Variants in TRPA1 observed in about 807,000 individuals in gnomAD.
TRPA1 encodes transient receptor potential cation channel subfamily A member 1.
A neutral mutation model predicts 131.3 loss-of-function variants in TRPA1; 129 were observed. The ratio of observed to expected loss-of-function variants is 0.98; its 90% CI spans 0.85 to 1.14. The LOEUF is 1.14. Ranked by LOEUF, TRPA1 falls within the 50% of genes most tolerant of loss-of-function variation. The pLI is 0.00. For synonymous variants in TRPA1, 441 were observed against 451.7 expected (o/e 0.98, Z 0.30); for missense variants, 1,304 against 1,354.2 (o/e 0.96, Z 0.58).
chr8:72,083,305 T>C, the TRPA1 span, among the ~76,000 whole-genome samples: 1 of 152,218 alleles, frequency 6.6e-6, no homozygotes, highest in African/African-American at 2.4e-5. Context: ...AGAATTAGTT[T>C]CTGTTTGTTC....
At chr8:72,028,449 C>T (rs762064480) in intron 24 of TRPA1, among the ~76,000 whole-genome samples, 42 of 152,304 alleles carry the variant, frequency 2.8e-4, no homozygotes, top group Non-Finnish European at 5.1e-4. Context: ...CCTCCTTTCA[C>T]GACGGTATCG....
intron 2 of TRPA1, among the ~76,000 whole-genome samples, chr8:72,071,503 G>T (rs573941792): frequency 6.6e-6 from 1 of 152,276 alleles, no homozygotes; most frequent in South Asian, 2.1e-4. Flanking sequence ...GTTGTGGGGT[G>T]TCCTAGATCT....
intron 8 of TRPA1, among the ~76,000 whole-genome samples, chr8:72,059,179 C>T (rs916913235): frequency 6.6e-6 from 1 of 152,216 alleles, no homozygotes; most frequent in Non-Finnish European, 1.5e-5. Flanking sequence ...CCAAATTACG[C>T]TTTGACACTT....
intron 14 of TRPA1, 28 bp from the exon 15 acceptor site, chr8:72,050,899 C>T (rs989906171): frequency 2.1e-6 from 3 of 1,453,888 alleles, no homozygotes; most frequent in Non-Finnish European, 1.9e-6. Flanking sequence ...GTAAGATAAG[C>T]ACAGGTCTTC....
At chr8:72,040,373 C>T (rs189889796) in intron 17 of TRPA1, among the ~76,000 whole-genome samples, 1 of 152,080 alleles carries the variant, frequency 6.6e-6, no homozygotes, top group Non-Finnish European at 1.5e-5. Context: ...AAACAATACA[C>T]AGAACATTTT....
chr8:72,023,320 C>T, intron 26 of TRPA1: 2 of 634,484 alleles, frequency 3.2e-6, no homozygotes, highest in South Asian at 3.8e-5. Flanking sequence ...TAGTTCATGG[C>T]TAGTTTATTT....
chr8:72,061,446 C>T (rs962214039), intron 7 of TRPA1, among the ~76,000 whole-genome samples, 179 bp downstream of exon 7: 4 of 152,178 alleles, frequency 2.6e-5, no homozygotes, highest in African/African-American at 7.2e-5. Flanking sequence ...TAACATTCTA[C>T]TCCCATTCCC....
intron 1 of TRPA1, among the ~76,000 whole-genome samples, chr8:72,074,034 A>C (rs956628657): frequency 6.6e-6 from 1 of 152,240 alleles, no homozygotes; most frequent in African/African-American, 2.4e-5. Flanking sequence ...ACCTGCTTAG[A>C]GAGCAATTTG....
At chr8:72,078,812 T>C (rs1806236176), upstream of TRPA1, among the ~76,000 whole-genome samples, 1 of 152,090 alleles carries the variant, frequency 6.6e-6, no homozygotes, top group Non-Finnish European at 1.5e-5. Flanking sequence ...AGTATGTGTT[T>C]AGCTTTGTAT....
At chr8:72,037,826 A>T (rs560813587) in intron 20 of TRPA1, among the ~76,000 whole-genome samples, 157 bp downstream of exon 20, 6 of 152,190 alleles carry the variant, frequency 3.9e-5, no homozygotes, top group Admixed American at 6.5e-5. Flanking sequence ...TGATTTCTAC[A>T]TTTTGAAACA....
At chr8:72,089,068 C>A in the TRPA1 span, among the ~76,000 whole-genome samples, 1 of 152,110 alleles carries the variant, frequency 6.6e-6, no homozygotes, top group Non-Finnish European at 1.5e-5. Flanking sequence ...AAGATGTATA[C>A]ATGTATCTTA....
intron 2 of TRPA1, 29 bp downstream of exon 2, chr8:72,071,682 C>A (rs199723909): frequency 6.2e-7 from 1 of 1,610,228 alleles, no homozygotes; most frequent in Non-Finnish European, 8.5e-7. Flanking sequence ...TGAATGATTT[C>A]TGGAAGATGA....
chr8:72,026,100 A>G (rs539023163), intron 24 of TRPA1, 27 bp from the exon 25 acceptor site: 3 of 1,556,534 alleles, frequency 1.9e-6, no homozygotes, highest in African/African-American at 2.7e-5. Flanking sequence ...ATTTATTGAT[A>G]GAATCATTAG....
At chr8:72,086,581 T>A in the TRPA1 span, among the ~76,000 whole-genome samples, 1 of 152,212 alleles carries the variant, frequency 6.6e-6, no homozygotes, top group Non-Finnish European at 1.5e-5. Flanking sequence ...ATTTTGACGT[T>A]ACTTCTTAAT....
At chr8:72,063,092 T>C in intron 5 of TRPA1, 148 bp from the exon 6 acceptor site, 1 of 866,080 alleles carries the variant, frequency 1.2e-6, no homozygotes, top group Non-Finnish European at 1.7e-6. Context: ...TAAATATTTT[T>C]CAAATTAGGC....
chr8:72,059,269 C>A, intron 8 of TRPA1, 121 bp downstream of exon 8: 2 of 685,274 alleles, frequency 2.9e-6, no homozygotes, highest in Non-Finnish European at 5.0e-6. Flanking sequence ...ATTTTGTATA[C>A]TTTTTGCTGA....
At position 72,046,565 on chromosome 8, in the gene TRPA1, G is replaced by A; in HGVS notation, c.2009C>T (p.Thr670Ile). ...AACATCCTGTGTAGGTGTTTTTTTGGTGAATTCTAATGGACATTGAAGATA... is the reference window on the plus strand; with the variant it reads ...AACATCCTGTGTAGGTGTTTTTTTGATGAATTCTAATGGACATTGAAGATA... ...FKYLQCPLEF[T>I]KKTPTQDVIY... is the part of the protein sequence containing the mutation. The change falls in exon 17 of 27, where the codon ACC (threonine) becomes ATC (isoleucine). Residue 670 changes from threonine to isoleucine, a missense_variant. Transcript: ENST00000262209. 6.3e-7 allele frequency: 1 copy of A among 1,599,430 alleles called. No homozygotes were observed. The highest frequency in any genetic ancestry group is 8.5e-7 in the Non-Finnish European group (1 of 1,170,104).
intron 6 of TRPA1, 65 bp downstream of exon 6, chr8:72,062,734 T>C: frequency 1.3e-6 from 2 of 1,490,202 alleles, no homozygotes; most frequent in Non-Finnish European, 1.9e-6. Flanking sequence ...AAAAGAGCTA[T>C]AAAGCATTTT....
intron 21 of TRPA1, among the ~76,000 whole-genome samples, chr8:72,034,850 T>C (rs1455064636): frequency 2.0e-5 from 3 of 152,218 alleles, no homozygotes; most frequent in East Asian, 3.8e-4. Context: ...GCCCTAATGT[T>C]ACCTTAAATC....
Sources: gnomAD v4.1 joint callset for allele counts (sites outside exome capture counted in the v4.1 genomes callset) on GRCh38, gnomAD v4.1.1 for gene constraint, MANE v1.5 for transcripts, NCBI Gene and HGNC (gene_info 2026-07-23, HGNC 2026-07-21) for gene names.